Variants in TMEM117 observed in about 807,000 individuals in gnomAD.
TMEM117 encodes the protein transmembrane protein 117.
Under a neutral mutation model 52.4 loss-of-function variants are expected in TMEM117, and 27 were observed. That is an observed-to-expected ratio of 0.51 (90% CI 0.38 to 0.71). TMEM117 has a LOEUF of 0.71. Among genes scored for constraint, TMEM117 ranks in the 30% least tolerant of loss-of-function variants. The pLI, the probability that TMEM117 is intolerant of heterozygous loss-of-function variation, is 0.00. For missense variants in TMEM117, 556 were observed against 630.5 expected (o/e 0.88, Z 1.26); for synonymous variants, 215 against 206.3 (o/e 1.04, Z -0.36).
chr12:44,223,896 C>T (rs1949824035), intron 5 of TMEM117, among the ~76,000 whole-genome samples: 2 of 152,174 alleles, frequency 1.3e-5, no homozygotes, highest in Non-Finnish European at 2.9e-5. Context: ...CCTCGTTCTG[C>T]CAATTGGCTT....
intron 6 of TMEM117, among the ~76,000 whole-genome samples, chr12:44,326,863 A>G (rs866012801): frequency 1.3e-5 from 2 of 152,162 alleles, no homozygotes; most frequent in Non-Finnish European, 2.9e-5. Flanking sequence ...CTCCTTTTCA[A>G]ACTGTAGAGT....
intron 3 of TMEM117, among the ~76,000 whole-genome samples, chr12:44,090,849 G>GTTT (rs541939145): frequency 1.8e-4 from 18 of 101,640 alleles, no homozygotes; most frequent in East Asian, 5.0e-4. Flanking sequence ...GTTTTTTTTT[G>GTTT]TTTTTTTTTT....
intron 6 of TMEM117, among the ~76,000 whole-genome samples, chr12:44,308,350 A>C (rs1950929444): frequency 6.6e-5 from 10 of 152,146 alleles, no homozygotes. Context: ...CATCGCTCTG[A>C]AAAGAATATT....
At chr12:44,110,160 C>A (rs1218699759) in intron 3 of TMEM117, among the ~76,000 whole-genome samples, 5 of 111,762 alleles carry the variant, frequency 4.5e-5, no homozygotes, top group Non-Finnish European at 8.7e-5. Context: ...CAAACAGGGA[C>A]AATTTGACTT....
At chr12:44,356,459 C>T (rs1414239307) in intron 6 of TMEM117, among the ~76,000 whole-genome samples, 1 of 152,000 alleles carries the variant, frequency 6.6e-6, no homozygotes, top group African/African-American at 2.4e-5. Context: ...AACTGAGTTC[C>T]TTTGAACTAT....
chr12:44,316,388 A>G (rs1436797503), intron 6 of TMEM117, among the ~76,000 whole-genome samples: 2 of 152,126 alleles, frequency 1.3e-5, no homozygotes, highest in Non-Finnish European at 2.9e-5. Flanking sequence ...TCTTTCCCTT[A>G]AGGATGCTGA....
chr12:43,885,251 G>A (rs1002143099), intron 2 of TMEM117, among the ~76,000 whole-genome samples: 4 of 152,080 alleles, frequency 2.6e-5, no homozygotes, highest in African/African-American at 9.7e-5. Context: ...TAGTCAGGGC[G>A]GGCTGTGTAA....
chr12:44,299,448 C>T, intron 5 of TMEM117, 132 bp from the exon 6 acceptor site: 1 of 1,212,594 alleles, frequency 8.2e-7, no homozygotes, highest in Non-Finnish European at 1.1e-6. Context: ...TTTTCATCTT[C>T]CTTTTGGCTA....
intron 3 of TMEM117, among the ~76,000 whole-genome samples, chr12:43,993,111 T>C (rs907102607): frequency 1.3e-5 from 2 of 152,238 alleles, no homozygotes; most frequent in Non-Finnish European, 2.9e-5. Flanking sequence ...TGTGATACTT[T>C]AGCTAAAGTC....
At chr12:44,146,258 A>T (rs1382180223) in intron 4 of TMEM117, among the ~76,000 whole-genome samples, 1 of 152,142 alleles carries the variant, frequency 6.6e-6, no homozygotes, top group African/African-American at 2.4e-5. Context: ...GCTGACCTTC[A>T]TAGTTTCTTC....
chr12:43,844,945 A>C lies in TMEM117; in HGVS notation c.277+17A>C, dbSNP rs200076737. 2.5e-6 allele frequency: 4 copies of C among 1,588,220 alleles called. No homozygotes were observed. Among genetic ancestry groups the C allele is most frequent in the African/African-American group, 2.7e-5 (2 of 73,196 alleles). On this transcript the variant is annotated intron_variant, in intron 2 of 7. Coordinates refer to ENST00000266534, the MANE Select transcript of TMEM117 (RefSeq NM_032256.3). ...GTTTGTTTGGTAAGTACCATGACCC[A>C]TGAAATGTAATATCACTAATTATTT...
chr12:43,885,553 A>G (rs767809828), intron 2 of TMEM117, among the ~76,000 whole-genome samples: 2 of 151,506 alleles, frequency 1.3e-5, no homozygotes, highest in Non-Finnish European at 2.9e-5. Flanking sequence ...TCTATAATTT[A>G]CCATTTTGAG....
intron 2 of TMEM117, among the ~76,000 whole-genome samples, chr12:43,853,893 A>G (rs139453083): frequency 6.6e-6 from 1 of 152,274 alleles, no homozygotes; most frequent in East Asian, 1.9e-4. Context: ...GATATGATGA[A>G]AGGTATTCCT....
chr12:44,337,914 A>G (rs1397671525), intron 6 of TMEM117, among the ~76,000 whole-genome samples: 1 of 152,108 alleles, frequency 6.6e-6, no homozygotes, highest in Non-Finnish European at 1.5e-5. Context: ...GAACAGAGGG[A>G]GCAGCCATGA....
intron 6 of TMEM117, among the ~76,000 whole-genome samples, chr12:44,317,610 A>G (rs4573751): frequency 0.048 from 7,312 of 152,046 alleles, 362 homozygotes; most frequent in African/African-American, 0.12. Flanking sequence ...TGGCCAGGCT[A>G]GTCTCGAACT....
chr12:43,821,049 C>T, the TMEM117 span, among the ~76,000 whole-genome samples: 1 of 149,982 alleles, frequency 6.7e-6, no homozygotes, highest in Non-Finnish European at 1.5e-5. Flanking sequence ...GAGTCGAGAT[C>T]GCGCCACTGC....
At chr12:44,260,539 A>G (rs1950308796) in intron 5 of TMEM117, among the ~76,000 whole-genome samples, 1 of 152,182 alleles carries the variant, frequency 6.6e-6, no homozygotes, top group South Asian at 2.1e-4. Context: ...ATTAACCTCT[A>G]TGGTAAATAC....
intron 4 of TMEM117, 60 bp downstream of exon 4, chr12:44,143,684 T>C: frequency 3.2e-6 from 4 of 1,232,418 alleles, no homozygotes; most frequent in Non-Finnish European, 4.7e-6. Context: ...TTCACAGTGT[T>C]GGACAGACAC....
At chr12:44,381,849 C>A (rs1952025712) in intron 7 of TMEM117, among the ~76,000 whole-genome samples, 1 of 151,954 alleles carries the variant, frequency 6.6e-6, no homozygotes, top group Non-Finnish European at 1.5e-5. Flanking sequence ...TGAATCAGGC[C>A]ATGAGAAGGC....
Sources: gnomAD v4.1 joint callset for allele counts (sites outside exome capture counted in the v4.1 genomes callset) on GRCh38, gnomAD v4.1.1 for gene constraint, MANE v1.5 for transcripts, NCBI Gene and HGNC (gene_info 2026-07-23, HGNC 2026-07-21) for gene names.